LDLRAD3: variants seen among roughly 807,000 people sequenced by gnomAD.
The protein encoded by LDLRAD3 is low-density lipoprotein receptor class A domain-containing protein 3.
LDLRAD3 carries 20 observed loss-of-function variants against 29.4 expected under a neutral mutation model. That is an observed-to-expected ratio of 0.68 (90% CI 0.48 to 0.99). The LOEUF (loss-of-function observed/expected upper bound fraction) is 0.99. Among genes scored for constraint, LDLRAD3 ranks in the 50% least tolerant of loss-of-function variants. The pLI is 0.00. For missense variants in LDLRAD3, 420 were observed against 454.3 expected, an observed-to-expected ratio of 0.92 and a Z score of 0.69; for synonymous variants, 157 against 192.7, an observed-to-expected ratio of 0.81 and a Z score of 1.53.
chr11:35,956,086 C>T (rs1233515579), intron 1 of LDLRAD3, among the ~76,000 whole-genome samples: 4 of 152,332 alleles, frequency 2.6e-5, no homozygotes, highest in East Asian at 3.9e-4. Flanking sequence ...TGGGAATTTA[C>T]AAGAGCAGCT....
At chr11:35,960,790 T>C (rs1851267416) in intron 1 of LDLRAD3, among the ~76,000 whole-genome samples, 1 of 152,104 alleles carries the variant, frequency 6.6e-6, no homozygotes, top group Admixed American at 6.6e-5. Context: ...AGAGACGGAG[T>C]CTCACCATGT....
chr11:36,145,335 G>A (rs1390017535), intron 4 of LDLRAD3, among the ~76,000 whole-genome samples: 10 of 98,390 alleles, frequency 1.0e-4, no homozygotes, highest in African/African-American at 3.9e-4. Flanking sequence ...CTACTGGGAA[G>A]TGAGGAGCCC....
intron 1 of LDLRAD3, among the ~76,000 whole-genome samples, chr11:36,009,843 CGAA>C (rs57823549): frequency 0.017 from 2,602 of 152,206 alleles, 71 homozygotes; most frequent in African/African-American, 0.06. Flanking sequence ...ATTTTTCTTA[CGAA>C]GAAGTTTTCC....
At chr11:36,006,439 A>T (rs1851886498) in intron 1 of LDLRAD3, among the ~76,000 whole-genome samples, 1 of 152,184 alleles carries the variant, frequency 6.6e-6, no homozygotes, top group Admixed American at 6.5e-5. Flanking sequence ...GAAAGCGCTG[A>T]GCTGTGTGCC....
chr11:36,117,721 T>C (rs1421709972), intron 4 of LDLRAD3, among the ~76,000 whole-genome samples: 1 of 152,244 alleles, frequency 6.6e-6, no homozygotes, highest in Non-Finnish European at 1.5e-5. Context: ...CCACTTCAGC[T>C]CTGCTCTGAT....
At chr11:36,054,657 A>T (rs1401297274) in intron 2 of LDLRAD3, among the ~76,000 whole-genome samples, 1 of 152,224 alleles carries the variant, frequency 6.6e-6, no homozygotes, top group African/African-American at 2.4e-5. Flanking sequence ...CTTAAAAAGA[A>T]TGAAGATGGA....
chr11:36,072,283 T>C (rs551413960), intron 2 of LDLRAD3, among the ~76,000 whole-genome samples: 1 of 152,332 alleles, frequency 6.6e-6, no homozygotes, highest in South Asian at 2.1e-4. Context: ...TTCATGGCTG[T>C]TCTGGTGGAA....
At chr11:36,070,109 G>A (rs1050724545) in intron 2 of LDLRAD3, among the ~76,000 whole-genome samples, 15 of 152,218 alleles carry the variant, frequency 9.9e-5, no homozygotes, top group African/African-American at 3.4e-4. Flanking sequence ...CACTATCACA[G>A]AGAGAGCCTG....
At chr11:36,177,601 A>G (rs185932196) in intron 4 of LDLRAD3, among the ~76,000 whole-genome samples, 2 of 152,308 alleles carry the variant, frequency 1.3e-5, no homozygotes, top group East Asian at 3.9e-4. Flanking sequence ...GGGTCTAGCC[A>G]CCCAGTGGAG....
chr11:35,990,035 A>G (rs1195533231), intron 1 of LDLRAD3, among the ~76,000 whole-genome samples: 1 of 152,146 alleles, frequency 6.6e-6, no homozygotes, highest in Non-Finnish European at 1.5e-5. Flanking sequence ...TTAGAGTTAT[A>G]CAGCCTAGGG....
chr11:36,036,034 C>T, intron 1 of LDLRAD3, 69 bp from the exon 2 acceptor site: 1 of 1,522,554 alleles, frequency 6.6e-7, no homozygotes, highest in Non-Finnish European at 9.0e-7. Context: ...AACCACACAC[C>T]TTTCAGTTGA....
chr11:36,032,667 T>A (rs1448000763), intron 1 of LDLRAD3, among the ~76,000 whole-genome samples: 1 of 152,078 alleles, frequency 6.6e-6, no homozygotes, highest in Non-Finnish European at 1.5e-5. Flanking sequence ...CTCCCCATCA[T>A]GACAACCCAA....
chr11:36,006,093 G>T (rs262410), intron 1 of LDLRAD3, among the ~76,000 whole-genome samples: 1 of 152,124 alleles, frequency 6.6e-6, no homozygotes, highest in East Asian at 1.9e-4. Flanking sequence ...TAGATGCCCA[G>T]TCGTTCCTCA....
chr11:36,024,770 C>T (rs1852142128), intron 1 of LDLRAD3, among the ~76,000 whole-genome samples: 1 of 152,222 alleles, frequency 6.6e-6, no homozygotes, highest in Non-Finnish European at 1.5e-5. Flanking sequence ...TCAACTGAGC[C>T]CATCTGAGCC....
At chr11:36,186,810 C>A (rs868425074) in intron 4 of LDLRAD3, among the ~76,000 whole-genome samples, 5 of 152,168 alleles carry the variant, frequency 3.3e-5, no homozygotes, top group Admixed American at 2.0e-4. Context: ...AATGAGCCCC[C>A]CTGTGGGTTA....
At chr11:36,152,244 T>C (rs1278110725) in intron 4 of LDLRAD3, among the ~76,000 whole-genome samples, 1 of 152,234 alleles carries the variant, frequency 6.6e-6, no homozygotes, top group African/African-American at 2.4e-5. Context: ...AGTCATTTTC[T>C]AAATTCACCA....
rs1376517032 is a variant in LDLRAD3 at position 36,230,652 on chromosome 11, A to G, written c.*1255A>G. 1 of 152,666 alleles carries G rather than the reference A, an allele frequency of 6.6e-6. No individual in the cohort carries two copies. The highest frequency in any genetic ancestry group is 2.4e-5 in the African/African-American group (1 of 41,462). 9.5% of individuals were successfully genotyped at this position (152,666 alleles called of 1,614,324 possible). On this transcript the variant is annotated 3_prime_UTR_variant, in exon 6 of 6. Coordinates refer to ENST00000315571, the MANE Select transcript of LDLRAD3 (RefSeq NM_174902.4). ...CATTTGGATCTATTTTAAATCTTTT[A>G]GAAATGCATTTGAAACAGTGTGTTT...
At chr11:35,970,551 C>T (rs1851399078) in intron 1 of LDLRAD3, among the ~76,000 whole-genome samples, 2 of 152,186 alleles carry the variant, frequency 1.3e-5, no homozygotes, top group Non-Finnish European at 2.9e-5. Flanking sequence ...TGTTTTAAGC[C>T]ACTCAGTTCG....
rs1036625214 is a variant in LDLRAD3 at position 36,199,585 on chromosome 11, A to G, written c.455-27500A>G. ...TGGTTCTACACACACACACACACACACACGCACGCACGCGTGCGCGCACAC... is the reference window on the plus strand; with the variant it reads ...TGGTTCTACACACACACACACACACGCACGCACGCACGCGTGCGCGCACAC... On this transcript the variant is annotated intron_variant, in intron 4 of 5. Coordinates refer to ENST00000315571, the MANE Select transcript of LDLRAD3 (RefSeq NM_174902.4). Among the ~76,000 whole-genome samples, 158 of 150,468 alleles carry G rather than the reference A, an allele frequency of 1.1e-3. 1 individual carries two copies. Among genetic ancestry groups the G allele is most frequent in the African/African-American group, 3.2e-3 (127 of 40,112 alleles).
Sources: allele counts gnomAD v4.1 joint callset (sites outside exome capture counted in the v4.1 genomes callset), GRCh38; gene constraint gnomAD v4.1.1; transcripts MANE v1.5; gene names NCBI Gene and HGNC (gene_info 2026-07-23, HGNC 2026-07-21).